The following IFFO1 variants were observed in gnomAD, a reference collection of about 807,000 sequenced individuals.
IFFO1 encodes the protein non-homologous end joining factor IFFO1.
IFFO1 carries 42 observed loss-of-function variants against 59.6 expected under a neutral mutation model. That is an observed-to-expected ratio of 0.70 (90% CI 0.55 to 0.91). IFFO1 has a LOEUF of 0.91. Among genes scored for constraint, IFFO1 ranks in the 40% least tolerant of loss-of-function variants. The pLI is 0.00. For missense variants in IFFO1, 711 were observed against 793.2 expected (o/e 0.90, Z 1.24); for synonymous variants, 336 against 342.8 (o/e 0.98, Z 0.22).
In IFFO1 at chr12:6,550,927, G is replaced by A. The variant is rs745527883; in HGVS notation, c.834+14C>T. 8 of 1,613,880 alleles carry A rather than the reference G, an allele frequency of 5.0e-6. No individual in the cohort carries two copies. The highest frequency in any genetic ancestry group is 2.7e-5 in the African/African-American group (2 of 74,902). On this transcript the variant is annotated intron_variant, in intron 2 of 9. Coordinates refer to ENST00000619571, the MANE Select transcript of IFFO1 (RefSeq NM_001193457.2). ...CCAGGGAAGCACCAGCAGCAAGTGG[G>A]GCGCCACCCTCACCTCCTGGAGCTC...
At position 6,548,717 on chromosome 12, in the gene IFFO1, TCTC is replaced by T; in HGVS notation, c.1210_1212del (p.Glu404del). The T allele has an allele frequency of 6.2e-7, 1 of 1,614,012 alleles. No homozygotes were observed. Among genetic ancestry groups the T allele is most frequent in the Non-Finnish European group, 8.5e-7 (1 of 1,179,990 alleles). Reference sequence around the variant, plus strand: ...TCCTCGTTGATGCTGAGGGCTGTGCTCTCCTCCTCATCCCCATCGGGCTGGCGG... The same window carrying T: ...TCCTCGTTGATGCTGAGGGCTGTGCTCTCCTCATCCCCATCGGGCTGGCGG... On this transcript the variant is annotated inframe_deletion, in exon 6 of 10. Transcript: ENST00000619571. This position sits in a 1 kb window ranked among gnomAD's most constrained non-coding sequence, Gnocchi z 6.1.
At position 6,549,289 on chromosome 12, in the gene IFFO1, G is replaced by A. The variant is rs1279500659; in HGVS notation, c.1080+187C>T. ...AGATCTGGAAAGCCGGGGGAGAAGG[G>A]AGAGAAAGAAATGCAGTCAAGAGAA... On this transcript the variant is annotated intron_variant, in intron 5 of 9. Transcript: ENST00000619571. The surrounding 1 kb of genome is among the most constrained non-coding windows in gnomAD (Gnocchi z 5.0). 1.5e-6 allele frequency: 1 copy of A among 660,860 alleles called. No individual in the cohort carries two copies. The highest frequency in any genetic ancestry group is 1.8e-5 in the African/African-American group (1 of 55,552). 40.9% of individuals were successfully genotyped at this position (660,860 alleles called of 1,614,324 possible). A position where few individuals can be genotyped will look rare whatever the true frequency, so the allele number is the denominator to read the frequency against.
chr12:6,546,233 T>G (rs1345735887), intron 8 of IFFO1, among the ~76,000 whole-genome samples: 1 of 152,224 alleles, frequency 6.6e-6, no homozygotes, highest in African/African-American at 2.4e-5. Context: ...AGGAGGTCAG[T>G]GCTATCTTTG....
chr12:6,549,945 C>A lies in IFFO1; in HGVS notation c.931-49G>T. 1.3e-6 allele frequency: 2 copies of A among 1,582,430 alleles called. No individual in the cohort carries two copies. The highest frequency in any genetic ancestry group is 1.7e-6 in the Non-Finnish European group (2 of 1,161,304). On this transcript the variant is annotated intron_variant, in intron 3 of 9. Transcript: ENST00000619571. This position sits in a 1 kb window ranked among gnomAD's most constrained non-coding sequence, Gnocchi z 5.0. Reference sequence around the variant, plus strand: ...GTGAGGAGGCGCCCAGTTCTCCAGACAAGGACGAATTAGGCCTGGCAAGGT... The same window carrying A: ...GTGAGGAGGCGCCCAGTTCTCCAGAAAAGGACGAATTAGGCCTGGCAAGGT...
chr12:6,551,088 G>A, intron 1 of IFFO1, 87 bp from the exon 2 acceptor site: 1 of 1,357,040 alleles, frequency 7.4e-7, no homozygotes, highest in Non-Finnish European at 1.0e-6. Flanking sequence ...CTCTGGCTCA[G>A]GCCTCAGACC....
chr12:6,555,064 G>C lies in IFFO1; in HGVS notation c.773+193C>G, dbSNP rs1947373680. Among the ~76,000 whole-genome samples, 1 of 152,232 alleles carries C rather than the reference G, an allele frequency of 6.6e-6. No individual in the cohort carries two copies. The highest frequency in any genetic ancestry group is 1.5e-5 in the Non-Finnish European group (1 of 68,046). On this transcript the variant is annotated intron_variant, in intron 1 of 9. Coordinates refer to ENST00000619571, the MANE Select transcript of IFFO1 (RefSeq NM_001193457.2). The surrounding 1 kb of genome is among the most constrained non-coding windows in gnomAD (Gnocchi z 8.6). The stretch of plus-strand genomic sequence containing the variant: ...TTCCGCTCCCAGCGTCCTTCTTCCT[G>C]TCACGAGCAGGGCTTCTGCATTCTC...
chr12:6,540,706 CG>C, intron 9 of IFFO1, 118 bp from the exon 10 acceptor site: 1 of 859,296 alleles, frequency 1.2e-6, no homozygotes, highest in Non-Finnish European at 1.9e-6. Context: ...GAAGCGAGGG[CG>C]GGGCCGCGGG....
chr12:6,548,369 G>C lies in IFFO1; in HGVS notation c.1383+56C>G. The C allele has an allele frequency of 1.3e-6, 2 of 1,568,984 alleles. No individual in the cohort carries two copies. The highest frequency in any genetic ancestry group is 1.7e-6 in the Non-Finnish European group (2 of 1,156,920). On this transcript the variant is annotated intron_variant, in intron 7 of 9. Coordinates refer to ENST00000619571, the MANE Select transcript of IFFO1 (RefSeq NM_001193457.2). The surrounding 1 kb of genome is among the most constrained non-coding windows in gnomAD (Gnocchi z 6.1). ...GAGCAAGGAGAGGAGCGGGGGAGTG[G>C]GCTTCAGGCTGGAGAGGCAGAGCCA...
chr12:6,552,454 T>C (rs569273704), intron 1 of IFFO1, among the ~76,000 whole-genome samples: 2 of 152,334 alleles, frequency 1.3e-5, no homozygotes, highest in South Asian at 4.1e-4. Context: ...TTCTCATGCA[T>C]ACAGTCAGGC....
In IFFO1 at chr12:6,541,034, A is replaced by AG. The variant is rs1465560522; in HGVS notation, c.1611-447_1611-446insC. Among the ~76,000 whole-genome samples the AG allele has an allele frequency of 6.6e-6, 1 of 151,646 alleles. No individual in the cohort carries two copies. The stretch of plus-strand genomic sequence containing the variant: ...GTTGTAGTGAGCCAAAAAAAAAAAA[A>AG]AAAGAAATAGCTGAAGTCACAGTAG... On this transcript the variant is annotated intron_variant, in intron 9 of 9. Transcript: ENST00000619571. This position sits in a 1 kb window ranked among gnomAD's most constrained non-coding sequence, Gnocchi z 4.8.
In IFFO1 at chr12:6,549,338, G is replaced by T; in HGVS notation, c.1080+138C>A. On this transcript the variant is annotated intron_variant, in intron 5 of 9. Transcript: ENST00000619571. The surrounding 1 kb of genome is among the most constrained non-coding windows in gnomAD (Gnocchi z 5.0). ...AACAAGAGATAGAGAGAAAAAGGGG[G>T]AAGAGCAAGGAAAAGGGAAAGGGCA... The T allele has an allele frequency of 1.3e-6, 1 of 761,708 alleles. No individual in the cohort carries two copies. Among genetic ancestry groups the T allele is most frequent in the Admixed American group, 2.2e-5 (1 of 44,718 alleles). The allele number at this position is 761,708 out of a possible 1,614,324, so 47.2% of individuals were successfully genotyped here.
At chr12:6,542,375 G>A (rs1314542381) in intron 8 of IFFO1, among the ~76,000 whole-genome samples, 2 of 152,204 alleles carry the variant, frequency 1.3e-5, no homozygotes, top group Admixed American at 6.5e-5. Flanking sequence ...TCTGAGGCAG[G>A]CGGAGAGGCA....
At chr12:6,552,059 C>T (rs1269197883) in intron 1 of IFFO1, among the ~76,000 whole-genome samples, 8 of 152,160 alleles carry the variant, frequency 5.3e-5, no homozygotes, top group African/African-American at 1.4e-4. Context: ...TCTGTCAACC[C>T]GAGAAGGGAG....
In IFFO1 at chr12:6,548,261, T is replaced by A; in HGVS notation, c.1384-101A>T. The stretch of plus-strand genomic sequence containing the variant: ...GGAGAGAGAGAGAGAGGAAGTCTGG[T>A]TAAAGAAACTGGAGAAAGAAAAGCA... On this transcript the variant is annotated intron_variant, in intron 7 of 9. Coordinates refer to ENST00000619571, the MANE Select transcript of IFFO1 (RefSeq NM_001193457.2). The surrounding 1 kb of genome is among the most constrained non-coding windows in gnomAD (Gnocchi z 6.1). 7.4e-7 allele frequency: 1 copy of A among 1,347,686 alleles called. No homozygotes were observed. The highest frequency in any genetic ancestry group is 1.1e-6 in the Non-Finnish European group (1 of 944,430). The allele number at this position is 1,347,686 out of a possible 1,614,324, so 83.5% of individuals were successfully genotyped here.
At position 6,555,575 on chromosome 12, in the gene IFFO1, G is replaced by A. The variant is rs1005038965; in HGVS notation, c.455C>T (p.Ser152Leu). 1 of 1,453,972 alleles carries A rather than the reference G, an allele frequency of 6.9e-7. No homozygotes were observed. Among genetic ancestry groups the A allele is most frequent in the Non-Finnish European group, 9.0e-7 (1 of 1,111,210 alleles). The allele number at this position is 1,453,972 out of a possible 1,614,324, so 90.1% of individuals were successfully genotyped here. A position where few individuals can be genotyped will look rare whatever the true frequency, so the allele number is the denominator to read the frequency against. ...CGCGGGCGAGCCCAGCACGCGCGCCGAAGGGCTGCAGACAGCGGCCGGCCG... is the reference window on the plus strand; with the variant it reads ...CGCGGGCGAGCCCAGCACGCGCGCCAAAGGGCTGCAGACAGCGGCCGGCCG... ...GARPAAVCSP[S>L]ARVLGSPARS... The change falls in exon 1 of 10, where the codon TCG becomes TTG. Residue 152 changes from serine (S) to leucine (L), a missense_variant. By Grantham distance (145) the Ser-to-Leu change is moderately radical (BLOSUM62 -2). This residue lies in a region of IFFO1 where 579 missense variants were observed against 650.3 expected (regional missense o/e 0.89). Transcript: ENST00000619571. The surrounding 1 kb of genome is among the most constrained non-coding windows in gnomAD (Gnocchi z 8.6).
In IFFO1 at chr12:6,548,683, C is replaced by T. The variant is rs766790297; in HGVS notation, c.1247G>A (p.Arg416His). The T allele has an allele frequency of 1.1e-5, 18 of 1,614,108 alleles. No individual in the cohort carries two copies. The highest frequency in any genetic ancestry group is 2.7e-5 in the African/African-American group (2 of 75,046). Residue 416 changes from arginine to histidine, a missense_variant, in exon 6 of 10, where the codon CGC (arginine) becomes CAC (histidine). Arg to His is a conservative substitution (Grantham distance 29). Transcript: ENST00000619571. This position sits in a 1 kb window ranked among gnomAD's most constrained non-coding sequence, Gnocchi z 6.1. Reference protein sequence around the residue: ...TALSINEEMQRMLNQLREYDF... With the variant: ...TALSINEEMQHMLNQLREYDF... Reference sequence around the variant, plus strand: ...GCGGACTCACAGCTGGTTGAGCATGCGCTGCATCTCCTCGTTGATGCTGAG... The same window carrying T: ...GCGGACTCACAGCTGGTTGAGCATGTGCTGCATCTCCTCGTTGATGCTGAG...
At chr12:6,552,882 C>T (rs1282456586) in intron 1 of IFFO1, among the ~76,000 whole-genome samples, 1 of 152,174 alleles carries the variant, frequency 6.6e-6, no homozygotes, top group East Asian at 1.9e-4. Context: ...ATAAGGTTCC[C>T]TTAACATGGG....
rs554683159 is a variant in IFFO1, at chr12:6,542,743, C to G, written c.1480-1101G>C. Among the ~76,000 whole-genome samples, 12 of 152,304 alleles carry G rather than the reference C, an allele frequency of 7.9e-5. 1 individual carries two copies. The South Asian group carries it at 2.1e-3, about 26-fold the overall frequency. On this transcript the variant is annotated intron_variant, in intron 8 of 9. Coordinates refer to ENST00000619571, the MANE Select transcript of IFFO1 (RefSeq NM_001193457.2). ...CCACAGTAGTGGGAGGAGCAGGACA[C>G]GGTGACTGTTCAACCCAGGGGGAAA...
chr12:6,550,100 C>T (rs903021509), intron 3 of IFFO1: 21 of 528,680 alleles, frequency 4.0e-5, no homozygotes, highest in African/African-American at 2.3e-4. Flanking sequence ...TGGGGCGGCT[C>T]GGGCCACTGC....
Sources: gnomAD v4.1 joint callset for allele counts (sites outside exome capture counted in the v4.1 genomes callset) on GRCh38, gnomAD v4.1.1 for gene constraint, gnomAD v4.1.1 regional missense constraint, Gnocchi (gnomAD v3.1) non-coding constraint, MANE v1.5 for transcripts, NCBI Gene and HGNC (gene_info 2026-07-23, HGNC 2026-07-21) for gene names.